SPICE1: variants seen among roughly 807,000 people sequenced by gnomAD.
SPICE1 encodes spindle and centriole associated protein 1.
SPICE1 carries 75 observed loss-of-function variants against 102.7 expected under a neutral mutation model. The ratio of observed to expected loss-of-function variants is 0.73; its 90% CI spans 0.61 to 0.88. SPICE1 has a LOEUF of 0.88. Among genes scored for constraint, SPICE1 ranks in the 40% least tolerant of loss-of-function variants. The pLI is 0.00. For missense variants in SPICE1, 979 were observed against 1,020.1 expected, an observed-to-expected ratio of 0.96 and a Z score of 0.55; for synonymous variants, 308 against 350.3, an observed-to-expected ratio of 0.88 and a Z score of 1.35.
rs1935725278 is a variant in SPICE1 at position 113,454,102 on chromosome 3, C to T, written c.1658-152G>A. The T allele has an allele frequency of 7.3e-6, 5 of 680,700 alleles. No homozygotes were observed. In the South Asian group the frequency reaches 8.6e-5, roughly 12 times the overall value. 42.2% of individuals were successfully genotyped at this position (680,700 alleles called of 1,614,324 possible). ...CTTAAACTATTTTCAGCAGAGAACACACCAGCAATGCCGCCCCTCGTAATC... is the reference window on the plus strand; with the variant it reads ...CTTAAACTATTTTCAGCAGAGAACATACCAGCAATGCCGCCCCTCGTAATC... On this transcript the variant is annotated intron_variant, in intron 13 of 17. Coordinates refer to ENST00000295872, the MANE Select transcript of SPICE1 (RefSeq NM_144718.4).
chr3:113,447,303 C>A (rs73239134), intron 16 of SPICE1, among the ~76,000 whole-genome samples: 11,355 of 152,204 alleles, frequency 0.075, 596 homozygotes, highest in Non-Finnish European at 0.11. Flanking sequence ...CCTTACCCCC[C>A]ACCTCCAACA....
intron 6 of SPICE1, among the ~76,000 whole-genome samples, chr3:113,491,127 C>T (rs1936754182): frequency 6.6e-6 from 1 of 152,212 alleles, no homozygotes; most frequent in Non-Finnish European, 1.5e-5. Flanking sequence ...CTAACCTCAA[C>T]TCCTGCTATT....
intron 12 of SPICE1, among the ~76,000 whole-genome samples, chr3:113,458,669 G>C (rs186338840): frequency 3.3e-5 from 5 of 151,818 alleles, no homozygotes; most frequent in African/African-American, 1.2e-4. Context: ...CTGCCTGGCC[G>C]CCCGTCGTCT....
At chr3:113,447,139 A>T (rs983746168) in intron 16 of SPICE1, among the ~76,000 whole-genome samples, 2 of 151,664 alleles carry the variant, frequency 1.3e-5, no homozygotes, top group African/African-American at 4.8e-5. Context: ...CAGCCATGTG[A>T]AACTGTAAGT....
intron 7 of SPICE1, among the ~76,000 whole-genome samples, chr3:113,472,230 GA>G (rs763175921): frequency 6.6e-6 from 1 of 152,274 alleles, no homozygotes; most frequent in Non-Finnish European, 1.5e-5. Flanking sequence ...GAGGCTGGGG[GA>G]GGGGCACCCG....
chr3:113,508,836 A>G (rs1476113679), intron 1 of SPICE1, among the ~76,000 whole-genome samples: 1 of 152,222 alleles, frequency 6.6e-6, no homozygotes, highest in African/African-American at 2.4e-5. Context: ...TGAACAGACA[A>G]AAAGTAGAGA....
chr3:113,450,362 AC>A lies in SPICE1; in HGVS notation c.2296del (p.Val766PhefsTer40), dbSNP rs748123683. 35 of 1,614,024 alleles carry A rather than the reference AC, an allele frequency of 2.2e-5. No homozygotes were observed. Among genetic ancestry groups the A allele is most frequent in the Non-Finnish European group, 3.0e-5 (35 of 1,180,036 alleles). ...GLNLSPPMSP[V>X]QLPLRAWTEG... is the part of the protein sequence containing the mutation. ...AGTCCATGCTCTGAGAGGTAACTGAACAGGTGACATTGGTGGAGAAAGATTC... is the reference window on the plus strand; with the variant it reads ...AGTCCATGCTCTGAGAGGTAACTGAAAGGTGACATTGGTGGAGAAAGATTC... On this transcript the variant is annotated frameshift_variant, in exon 15 of 18. Transcript: ENST00000295872. LOFTEE classifies it high-confidence loss of function.
chr3:113,499,183 T>C (rs1485371409), intron 4 of SPICE1: 3 of 290,290 alleles, frequency 1.0e-5, no homozygotes, highest in Non-Finnish European at 1.9e-5. Context: ...TAATTTTAAA[T>C]ATGAGAAAAT....
At chr3:113,475,770 C>T (rs1270798976) in intron 7 of SPICE1, among the ~76,000 whole-genome samples, 6 of 152,102 alleles carry the variant, frequency 3.9e-5, no homozygotes, top group Non-Finnish European at 7.4e-5. Context: ...AATTAGGTAT[C>T]GATGGGATGT....
At chr3:113,495,863 T>C (rs547395936) in intron 4 of SPICE1, among the ~76,000 whole-genome samples, 15 of 152,144 alleles carry the variant, frequency 9.9e-5, no homozygotes, top group Admixed American at 9.8e-4. Context: ...AGAGATGGAA[T>C]TGACACATGA....
At chr3:113,454,344 G>A (rs916714599) in intron 13 of SPICE1, among the ~76,000 whole-genome samples, 1 of 152,184 alleles carries the variant, frequency 6.6e-6, no homozygotes, top group Non-Finnish European at 1.5e-5. Context: ...AATAGGAACT[G>A]AGCAAAGGAC....
chr3:113,498,415 G>C (rs1936941709), intron 4 of SPICE1, among the ~76,000 whole-genome samples: 1 of 152,184 alleles, frequency 6.6e-6, no homozygotes, highest in African/African-American at 2.4e-5. Flanking sequence ...CCCAGAGTCT[G>C]ATGCAATCCA....
chr3:113,474,504 G>A (rs1044121589), intron 7 of SPICE1, among the ~76,000 whole-genome samples: 3 of 151,936 alleles, frequency 2.0e-5, no homozygotes, highest in African/African-American at 7.2e-5. Flanking sequence ...AGCACCACAT[G>A]ACACCTATTC....
chr3:113,511,457 C>A (rs538365807), intron 1 of SPICE1, among the ~76,000 whole-genome samples: 1 of 152,278 alleles, frequency 6.6e-6, no homozygotes, highest in Admixed American at 6.5e-5. Flanking sequence ...ATGTCCTTTG[C>A]AGGGGCATGG....
At chr3:113,471,556 T>C (rs963934141) in intron 7 of SPICE1, among the ~76,000 whole-genome samples, 3 of 152,178 alleles carry the variant, frequency 2.0e-5, no homozygotes, top group African/African-American at 4.8e-5. Flanking sequence ...ACCCCAGAAC[T>C]GGGAAGAAAT....
At chr3:113,494,218 A>G (rs564514126) in intron 4 of SPICE1, 76 bp from the exon 5 acceptor site, 1 of 1,001,932 alleles carries the variant, frequency 1.0e-6, no homozygotes, top group Non-Finnish European at 1.5e-6. Flanking sequence ...AAGACCATAA[A>G]AAGGCCTGGA....
chr3:113,512,241 A>G (rs1483204276), intron 1 of SPICE1, among the ~76,000 whole-genome samples: 1 of 152,200 alleles, frequency 6.6e-6, no homozygotes, highest in Non-Finnish European at 1.5e-5. Context: ...GTACAGTAGG[A>G]TAACACAGGT....
intron 7 of SPICE1, among the ~76,000 whole-genome samples, chr3:113,471,590 C>A (rs370054838): frequency 6.6e-6 from 1 of 152,074 alleles, no homozygotes; most frequent in Non-Finnish European, 1.5e-5. Context: ...TTTAAGCCAC[C>A]AAACTTGTGG....
intron 7 of SPICE1, among the ~76,000 whole-genome samples, chr3:113,471,477 C>T (rs933630802): frequency 9.9e-5 from 15 of 152,202 alleles, no homozygotes; most frequent in South Asian, 4.1e-4. Context: ...AGCAGCTTCT[C>T]CTCTGGAGGG....
Sources: gnomAD v4.1 joint callset for allele counts (sites outside exome capture counted in the v4.1 genomes callset) on GRCh38, gnomAD v4.1.1 for gene constraint, MANE v1.5 for transcripts, NCBI Gene and HGNC (gene_info 2026-07-23, HGNC 2026-07-21) for gene names.